RGMA: variants seen among roughly 807,000 people sequenced by gnomAD.
The protein encoded by RGMA is repulsive guidance molecule A.
RGMA carries 10 observed loss-of-function variants against 23.2 expected under a neutral mutation model. That is an observed-to-expected ratio of 0.43 (90% CI 0.27 to 0.73). RGMA has a LOEUF of 0.73. Ranked by LOEUF, RGMA falls within the 30% of genes least tolerant of loss-of-function variation. The probability of loss-of-function intolerance (pLI) is 0.20; values close to 1 mark genes in which losing one functional copy is unlikely to be tolerated. For missense variants in RGMA, 547 were observed against 630.5 expected (o/e 0.87, Z 1.42); for synonymous variants, 308 against 279.3 (o/e 1.10, Z -1.03).
Position 93,043,714 on chromosome 15 carries a change from T to G in RGMA, c.*1284A>C, listed in dbSNP as rs1470711660. On this transcript the variant is annotated 3_prime_UTR_variant, in exon 4 of 4. Coordinates refer to ENST00000329082, the MANE Select transcript of RGMA (RefSeq NM_020211.3). The stretch of plus-strand genomic sequence containing the variant: ...CTTGGAGGGAGGGGGAGACACACGT[T>G]CTGCAGCCTCCTGGCCAGTGTATGA... The G allele has an allele frequency of 1.4e-5, 2 of 146,726 alleles. No individual in the cohort carries two copies. The highest frequency in any genetic ancestry group is 2.3e-4 in the East Asian group (1 of 4,422). The allele number at this position is 146,726 out of a possible 1,614,324, so 9.1% of individuals were successfully genotyped here. A position where few individuals can be genotyped will look rare whatever the true frequency, so the allele number is the denominator to read the frequency against.
rs775476452 is a variant in RGMA at position 93,045,714 on chromosome 15, G to A, written c.646-9C>T. ...TTGAAGATGATGGTGAGCTGCCGGG[G>A]AAAGGGGCAGAGGAGAGTGGGTGAG... On this transcript the variant is annotated splice_polypyrimidine_tract_variant and intron_variant, in intron 3 of 3. Transcript: ENST00000329082. This position sits in a 1 kb window ranked among gnomAD's most constrained non-coding sequence, Gnocchi z 6.9. The A allele has an allele frequency of 5.6e-6, 9 of 1,593,996 alleles. No individual in the cohort carries two copies. In the African/African-American group the frequency reaches 1.2e-4, roughly 21 times the overall value.
At chr15:93,055,901 G>A (rs186525671) in intron 2 of RGMA, among the ~76,000 whole-genome samples, 1 of 152,348 alleles carries the variant, frequency 6.6e-6, no homozygotes, top group East Asian at 1.9e-4. Context: ...CTTCAAAACT[G>A]TTCTCAGAGC....
rs113768161 is a variant in RGMA at position 93,068,315 on chromosome 15, C to G, written c.130+4601G>C. On this transcript the variant is annotated intron_variant, in intron 2 of 3. Coordinates refer to ENST00000329082, the MANE Select transcript of RGMA (RefSeq NM_020211.3). ...TAAAGTTGGGGTTCTCTGCCCAGTT[C>G]TAGGCCTCGCACATTTCACCAAAGA... 2.3e-4 allele frequency among the ~76,000 whole-genome samples: 35 copies of G among 151,332 alleles called. No homozygotes were observed. In the Middle Eastern group the frequency reaches 0.01, roughly 44 times the overall value.
At position 93,042,018 on chromosome 15, in the gene RGMA, C is replaced by G. The variant is rs1450290061; in HGVS notation, c.*2980G>C. On this transcript the variant is annotated 3_prime_UTR_variant, in exon 4 of 4. Transcript: ENST00000329082. ...TCTCTACTAAAATACAAAAAATTAG[C>G]CAGGCGTGGTGGTGTGTGCCTGTAG... is the stretch of plus-strand genomic sequence containing the variant. The G allele has an allele frequency of 6.6e-6, 1 of 152,284 alleles. No homozygotes were observed. Among genetic ancestry groups the G allele is most frequent in the Non-Finnish European group, 1.5e-5 (1 of 68,122 alleles). 9.4% of individuals were successfully genotyped at this position (152,284 alleles called of 1,614,324 possible).
chr15:93,066,276 T>C (rs957347027), intron 2 of RGMA: 2 of 1,066,006 alleles, frequency 1.9e-6, no homozygotes, highest in Admixed American at 1.7e-5. Context: ...AACAAAGACA[T>C]CTTCCTTGGC....
intron 1 of RGMA, 61 bp downstream of exon 1, chr15:93,088,858 G>A (rs1242636603): frequency 2.1e-6 from 3 of 1,441,922 alleles, no homozygotes; most frequent in Non-Finnish European, 2.8e-6. Flanking sequence ...GCCCCGGCAT[G>A]TGTCGGCGGC....
At chr15:93,073,054 A>AAGG (rs35337862) in intron 1 of RGMA, 23 bp from the exon 2 acceptor site, 954,560 of 1,543,582 alleles carry the variant, frequency 0.62, 300,221 homozygotes, top group East Asian at 0.95. Flanking sequence ...TTCAGAAAAA[A>AAGG]AGAAGAAAAT....
At chr15:93,079,718 G>A (rs1895527505) in intron 1 of RGMA, among the ~76,000 whole-genome samples, 1 of 152,154 alleles carries the variant, frequency 6.6e-6, no homozygotes, top group Non-Finnish European at 1.5e-5. Context: ...TACTTCGGAG[G>A]CTGAGGCAAG....
At chr15:93,069,764 T>C (rs1895265473) in intron 2 of RGMA, among the ~76,000 whole-genome samples, 1 of 152,238 alleles carries the variant, frequency 6.6e-6, no homozygotes, top group Non-Finnish European at 1.5e-5. Context: ...GGAAGGCTAA[T>C]GCTGCTGGTC....
chr15:93,056,146 C>CT (rs2055009505), intron 2 of RGMA, among the ~76,000 whole-genome samples: 1 of 152,222 alleles, frequency 6.6e-6, no homozygotes, highest in South Asian at 2.1e-4. Flanking sequence ...CCCCGGCCCA[C>CT]TTTGAGTAGT....
Position 93,073,737 on chromosome 15 carries a change from C to T in RGMA, c.15-706G>A, listed in dbSNP as rs142142497. ...AACGCACCTCGAGGTTCCCGCCCGT[C>T]GTGGCCCCAGGCCACCCATCCTGAC... is the stretch of plus-strand genomic sequence containing the variant. On this transcript the variant is annotated intron_variant, in intron 1 of 3. Coordinates refer to ENST00000329082, the MANE Select transcript of RGMA (RefSeq NM_020211.3). 82 of 1,537,212 alleles carry T rather than the reference C, an allele frequency of 5.3e-5. No individual in the cohort carries two copies. The East Asian group carries it at 1.8e-3, about 33-fold the overall frequency.
At chr15:93,046,635 A>G (rs115365879) in intron 3 of RGMA, among the ~76,000 whole-genome samples, 2,943 of 152,268 alleles carry the variant, frequency 0.019, 100 homozygotes, top group African/African-American at 0.067. Context: ...ATGCTCAAAG[A>G]AAGAATGAAT....
chr15:93,062,500 T>C (rs1480613549), intron 2 of RGMA, among the ~76,000 whole-genome samples: 1 of 152,184 alleles, frequency 6.6e-6, no homozygotes. Context: ...ACATGCTGGC[T>C]GGTCAGAGTG....
chr15:93,066,572 T>C, intron 2 of RGMA: 1 of 469,420 alleles, frequency 2.1e-6, no homozygotes, highest in South Asian at 1.6e-5. Flanking sequence ...CTGCGGGCAC[T>C]GGTACCACCA....
At position 93,073,876 on chromosome 15, in the gene RGMA, C is replaced by T. The variant is rs1281350093; in HGVS notation, c.15-845G>A. 2.1e-5 allele frequency: 31 copies of T among 1,464,622 alleles called. 1 individual carries two copies. Among genetic ancestry groups the T allele is most frequent in the Middle Eastern group, 2.2e-4 (1 of 4,602 alleles). The allele number at this position is 1,464,622 out of a possible 1,614,324, so 90.7% of individuals were successfully genotyped here. The stretch of plus-strand genomic sequence containing the variant: ...CGGGCCTAACCTTGCCACCTTGGCA[C>T]AGCTGCCACTCCAGAGAGATGGCTA... On this transcript the variant is annotated intron_variant, in intron 1 of 3. Coordinates refer to ENST00000329082, the MANE Select transcript of RGMA (RefSeq NM_020211.3).
At chr15:93,073,119 G>A (rs985772434) in intron 1 of RGMA, 88 bp from the exon 2 acceptor site, 76 of 1,360,292 alleles carry the variant, frequency 5.6e-5, no homozygotes, top group Non-Finnish European at 6.1e-5. Context: ...GCAGCGAGCC[G>A]GGAGGCTCCG....
intron 2 of RGMA, among the ~76,000 whole-genome samples, chr15:93,053,100 G>A (rs2054955415): frequency 6.6e-6 from 1 of 152,210 alleles, no homozygotes; most frequent in Admixed American, 6.5e-5. Flanking sequence ...TGAGTGCTCT[G>A]TTAGCCCTGG....
chr15:93,061,419 G>A (rs1239717315), intron 2 of RGMA, among the ~76,000 whole-genome samples: 1 of 152,190 alleles, frequency 6.6e-6, no homozygotes. Flanking sequence ...CAAAGTGCTG[G>A]GATTACCGGC....
intron 1 of RGMA, among the ~76,000 whole-genome samples, chr15:93,084,038 A>G (rs1241651046): frequency 6.6e-6 from 1 of 152,224 alleles, no homozygotes; most frequent in African/African-American, 2.4e-5. Context: ...ACTTCCAAAC[A>G]AATGTTAATT....
Sources: allele counts gnomAD v4.1 joint callset (sites outside exome capture counted in the v4.1 genomes callset), GRCh38; gene constraint gnomAD v4.1.1; non-coding constraint Gnocchi (gnomAD v3.1); transcripts MANE v1.5; gene names NCBI Gene and HGNC (gene_info 2026-07-23, HGNC 2026-07-21).